Variants in CCDC146 observed in about 807,000 individuals in gnomAD.
The protein encoded by CCDC146 is coiled-coil domain containing 146, also known as coiled-coil domain-containing protein 146.
CCDC146 carries 92 observed loss-of-function variants against 119.3 expected under a neutral mutation model. That is an observed-to-expected ratio of 0.77 (90% CI 0.65 to 0.92). CCDC146 has a LOEUF of 0.92. Among genes scored for constraint, CCDC146 ranks in the 40% least tolerant of loss-of-function variants. The probability of loss-of-function intolerance (pLI) is 0.00; values close to 1 mark genes in which losing one functional copy is unlikely to be tolerated. For synonymous variants in CCDC146, 372 were observed against 371.8 expected (o/e 1.00, Z -0.01); for missense variants, 1,000 against 1,103.0 (o/e 0.91, Z 1.32).
At chr7:77,187,304 C>A (rs980104799) in intron 2 of CCDC146, among the ~76,000 whole-genome samples, 10 of 152,010 alleles carry the variant, frequency 6.6e-5, no homozygotes, top group African/African-American at 1.2e-4. Context: ...AGAAAAAAAA[C>A]CAAAACCTGG....
At chr7:77,224,591 C>T (rs373812734) in intron 2 of CCDC146, among the ~76,000 whole-genome samples, 12 of 152,232 alleles carry the variant, frequency 7.9e-5, no homozygotes, top group East Asian at 3.9e-4. Flanking sequence ...CTGGGGGATG[C>T]GGGAGATTAT....
chr7:77,240,896 G>T (rs540144280), intron 3 of CCDC146, among the ~76,000 whole-genome samples: 1 of 150,678 alleles, frequency 6.6e-6, no homozygotes, highest in African/African-American at 2.4e-5. Flanking sequence ...ACTATATTTA[G>T]CCCTCATCTC....
chr7:77,227,366 T>G (rs1426886372), intron 2 of CCDC146, among the ~76,000 whole-genome samples: 1 of 152,174 alleles, frequency 6.6e-6, no homozygotes, highest in East Asian at 1.9e-4. Context: ...AGTGCAGTGG[T>G]GCAATCTCGG....
chr7:77,294,810 C>T lies in CCDC146; in HGVS notation c.2812C>T (p.Pro938Ser). ...TTTGGCTCCTTTTAAACCCAGTGAA[C>T]CTGGAGCCAATATGAGGCACATAAG... ...GALAPFKPSE[P>S]GANMRHIRKP... The change falls in exon 19 of 19, where the codon CCT (proline) becomes TCT (serine). Residue 938 changes from proline (P) to serine (S), a missense_variant. Pro to Ser is a moderately conservative substitution (Grantham distance 74, BLOSUM62 -1). Coordinates refer to ENST00000285871, the MANE Select transcript of CCDC146 (RefSeq NM_020879.3). 6.2e-7 allele frequency: 1 copy of T among 1,614,122 alleles called. No homozygotes were observed. The highest frequency in any genetic ancestry group is 8.5e-7 in the Non-Finnish European group (1 of 1,180,036).
In CCDC146 at chr7:77,196,349, T is replaced by C. The variant is rs1211440783; in HGVS notation, c.156+28525T>C. 6.2e-7 allele frequency: 1 copy of C among 1,614,138 alleles called. No homozygotes were observed. The highest frequency in any genetic ancestry group is 8.5e-7 in the Non-Finnish European group (1 of 1,180,014). ...GAAGGAGGACTTGTAGCCACCAGGGTGTGCCTCACTTACACCAGGCCAGGT... is the reference window on the plus strand; with the variant it reads ...GAAGGAGGACTTGTAGCCACCAGGGCGTGCCTCACTTACACCAGGCCAGGT... On this transcript the variant is annotated intron_variant, in intron 2 of 18. Transcript: ENST00000285871. The surrounding 1 kb of genome is among the most constrained non-coding windows in gnomAD (Gnocchi z 4.2).
chr7:77,278,700 CT>C lies in CCDC146; in HGVS notation c.1441-51del, dbSNP rs1793704168. 5 of 1,230,182 alleles carry C rather than the reference CT, an allele frequency of 4.1e-6. No individual in the cohort carries two copies. The African/African-American group carries it at 7.5e-5, about 18-fold the overall frequency. 76.2% of individuals were successfully genotyped at this position (1,230,182 alleles called of 1,614,324 possible). A position where few individuals can be genotyped will look rare whatever the true frequency, so the allele number is the denominator to read the frequency against. On this transcript the variant is annotated intron_variant, in intron 11 of 18. Transcript: ENST00000285871. Reference sequence around the variant, plus strand: ...TGGAAGGGAATGATGTGGGATAAATCTGGGAGTGTTCATATGTTGTTATTTA... The same window carrying C: ...TGGAAGGGAATGATGTGGGATAAATCGGGAGTGTTCATATGTTGTTATTTA...
At chr7:77,227,896 A>G (rs573683205) in intron 2 of CCDC146, among the ~76,000 whole-genome samples, 80 of 152,334 alleles carry the variant, frequency 5.3e-4, no homozygotes, top group Middle Eastern at 3.4e-3. Context: ...AGAGCACATC[A>G]TTTTAACATC....
At chr7:77,228,482 C>G (rs1052887947) in intron 2 of CCDC146, among the ~76,000 whole-genome samples, 1 of 152,228 alleles carries the variant, frequency 6.6e-6, no homozygotes, top group African/African-American at 2.4e-5. Flanking sequence ...CTGCAAAGGA[C>G]ATGATCTCAT....
chr7:77,287,141 G>T, intron 16 of CCDC146: 1 of 646,066 alleles, frequency 1.5e-6, no homozygotes, highest in East Asian at 2.8e-5. Flanking sequence ...GATTCCAAAG[G>T]CACATTTCTC....
At chr7:77,230,448 A>G (rs751171974) in intron 2 of CCDC146, among the ~76,000 whole-genome samples, 5 of 151,556 alleles carry the variant, frequency 3.3e-5, no homozygotes, top group Non-Finnish European at 7.4e-5. Context: ...TCCTCTTCCT[A>G]TTTGAAAGAT....
intron 2 of CCDC146, chr7:77,194,909 C>A (rs1311999589): frequency 6.6e-6 from 1 of 152,024 alleles, no homozygotes; most frequent in African/African-American, 2.4e-5. Context: ...ATAAAAATTA[C>A]AGATACTTCT....
intron 2 of CCDC146, among the ~76,000 whole-genome samples, chr7:77,186,342 C>T (rs1791666608): frequency 6.6e-6 from 1 of 151,986 alleles, no homozygotes; most frequent in Admixed American, 6.6e-5. Context: ...TTTGCAACAA[C>T]ATGGATGGAA....
At chr7:77,177,349 C>T (rs1035539955) in intron 2 of CCDC146, among the ~76,000 whole-genome samples, 5 of 152,150 alleles carry the variant, frequency 3.3e-5, no homozygotes, top group African/African-American at 1.2e-4. Context: ...AGAACCCCAC[C>T]CTCAAGGAGC....
intron 1 of CCDC146, among the ~76,000 whole-genome samples, chr7:77,142,683 C>CCCATGCCTATGTCCTGAATGGTATT (rs1790954672): frequency 5.9e-5 from 9 of 151,300 alleles, no homozygotes; most frequent in African/African-American, 2.2e-4. Flanking sequence ...TTTGTTCTTG[C>CCCATGCCTATGTCCTGAATGGTATT]GATAGTTTGC....
intron 1 of CCDC146, among the ~76,000 whole-genome samples, chr7:77,143,154 T>G (rs1033288495): frequency 6.6e-6 from 1 of 151,924 alleles, no homozygotes; most frequent in Non-Finnish European, 1.5e-5. Flanking sequence ...TTTGCATTTC[T>G]CTGATGGCCA....
intron 2 of CCDC146, among the ~76,000 whole-genome samples, chr7:77,207,055 T>C (rs779273003): frequency 5.3e-5 from 8 of 152,168 alleles, no homozygotes; most frequent in Non-Finnish European, 8.8e-5. Flanking sequence ...GAACTCGCAA[T>C]AAATGTTAAT....
At chr7:77,162,421 A>G (rs1584034179) in intron 1 of CCDC146, among the ~76,000 whole-genome samples, 1 of 152,340 alleles carries the variant, frequency 6.6e-6, no homozygotes, top group East Asian at 1.9e-4. Flanking sequence ...CATTCTTGAC[A>G]TCCATGCCAA....
chr7:77,203,098 T>C (rs1792024087), intron 2 of CCDC146, among the ~76,000 whole-genome samples: 2 of 147,464 alleles, frequency 1.4e-5, no homozygotes, highest in Admixed American at 6.9e-5. Context: ...AAATGGCATT[T>C]TAGGTGAGAG....
At chr7:77,199,675 G>C (rs1791948360) in intron 2 of CCDC146, 1 of 1,614,032 alleles carries the variant, frequency 6.2e-7, no homozygotes, top group African/African-American at 1.3e-5. Flanking sequence ...TAGTCTCACT[G>C]GGCAGACATC....
Sources: allele counts gnomAD v4.1 joint callset (sites outside exome capture counted in the v4.1 genomes callset), GRCh38; gene constraint gnomAD v4.1.1; non-coding constraint Gnocchi (gnomAD v3.1); transcripts MANE v1.5; gene names NCBI Gene and HGNC (gene_info 2026-07-23, HGNC 2026-07-21).